WDR73: variants seen among roughly 807,000 people sequenced by gnomAD.
WDR73 encodes WD repeat domain 73.
In WDR73, 30 loss-of-function variants were observed where a neutral mutation model predicts 38.2. The observed-to-expected ratio is 0.79, with a 90% CI of 0.59 to 1.06. The LOEUF (loss-of-function observed/expected upper bound fraction) is 1.06. Among genes scored for constraint, WDR73 ranks in the 50% least tolerant of loss-of-function variants. The pLI is 0.00. For missense variants in WDR73, 487 were observed against 467.0 expected (o/e 1.04, Z -0.40); for synonymous variants, 197 against 176.0 (o/e 1.12, Z -0.94).
At position 84,648,552 on chromosome 15, in the gene WDR73, T is replaced by A. The variant is rs760874167; in HGVS notation, c.272A>T (p.His91Leu). Residue 91 changes from histidine to leucine, a missense_variant, in exon 4 of 8, where the codon CAT becomes CTT. His to Leu is a moderately conservative substitution (Grantham distance 99). Coordinates refer to ENST00000434634, the MANE Select transcript of WDR73 (RefSeq NM_032856.5). The part of the protein sequence containing the change: ...FSDRSIFDLK[H>L]VPHTRLLVTS... ...TTGACCATACCTGGTATGTGGCACA[T>A]GCTTTAGATCAAAGATAGACCTGTC... 10 of 1,613,598 alleles carry A rather than the reference T, an allele frequency of 6.2e-6. No homozygotes were observed. Among genetic ancestry groups the A allele is most frequent in the Non-Finnish European group, 8.5e-6 (10 of 1,179,642 alleles).
In WDR73 at chr15:84,648,592, G is replaced by A; in HGVS notation, c.232C>T (p.His78Tyr). ...ATAGACCTGTCTGAAAATCCTCCATGGCGCACTTTGAAATCTCTTTCTGGG... is the reference window on the plus strand; with the variant it reads ...ATAGACCTGTCTGAAAATCCTCCATAGCGCACTTTGAAATCTCTTTCTGGG... Reference protein sequence around the residue: ...LFPERDFKVRHGGFSDRSIFD... With the variant: ...LFPERDFKVRYGGFSDRSIFD... The change falls in exon 4 of 8, where the codon CAT becomes TAT. Residue 78 changes from histidine (H) to tyrosine (Y), a missense_variant. Physicochemically the swap from His to Tyr is moderately conservative, Grantham distance 83. Transcript: ENST00000434634. 6.2e-7 allele frequency: 1 copy of A among 1,613,918 alleles called. No homozygotes were observed. Among genetic ancestry groups the A allele is most frequent in the Non-Finnish European group, 8.5e-7 (1 of 1,179,824 alleles).
intron 4 of WDR73, 60 bp from the exon 5 acceptor site, chr15:84,648,014 C>G: frequency 6.7e-7 from 1 of 1,489,290 alleles, no homozygotes; most frequent in Non-Finnish European, 9.4e-7. Flanking sequence ...CAGGTCCCTT[C>G]CCCTTTCCAG....
rs1896421963 is a variant in WDR73, at chr15:84,645,565, G to A, written c.789C>T (p.Ser263=). 1.2e-6 allele frequency: 2 copies of A among 1,611,770 alleles called. No individual in the cohort carries two copies. Among genetic ancestry groups the A allele is most frequent in the South Asian group, 1.1e-5 (1 of 90,710 alleles). Residue 263 remains serine, a synonymous_variant, in exon 7 of 8, where the codon AGC becomes AGT. Transcript: ENST00000434634. ...GTACGGATACTGGGCACTGGACTGA[G>A]CTCACAGGATGGCAGAGATCCCGGG... ...LDPRDLCHPV[S]SVQCPVSVPS... is the part of the protein sequence containing the mutation.
rs797044992 is a variant in WDR73 at position 84,645,651 on chromosome 15, G to A, written c.703C>T (p.Gln235Ter). The A allele has an allele frequency of 8.7e-6, 14 of 1,608,296 alleles. No homozygotes were observed. Among genetic ancestry groups the A allele is most frequent in the Non-Finnish European group, 1.1e-5 (13 of 1,177,596 alleles). Residue 235 changes from glutamine to a stop codon, truncating the protein, a stop_gained, in exon 7 of 8, where the codon CAG (glutamine) becomes TAG (stop). Coordinates refer to ENST00000434634, the MANE Select transcript of WDR73 (RefSeq NM_032856.5). LOFTEE classifies it high-confidence loss of function. ...RWCAEVGSWG[Q>*]GPGPSIASLG... ...CTGGCAATGCTGGGCCCAGGGCCCT[G>A]GCCCCAGCTCCCAACTTCAGCACAC...
chr15:84,651,078 G>A (rs1030743445), intron 3 of WDR73, among the ~76,000 whole-genome samples: 9 of 151,124 alleles, frequency 6.0e-5, no homozygotes, highest in African/African-American at 2.2e-4. Context: ...TCGCGCCACT[G>A]CACTCCAGCC....
At position 84,646,332 on chromosome 15, in the gene WDR73, G is replaced by A. The variant is rs1366948745; in HGVS notation, c.369C>T (p.Val123=). Residue 123 remains valine, a synonymous_variant, in exon 6 of 8, where the codon GTC becomes GTT. Transcript: ENST00000434634. ...VAEDSDVIKA[V]STIAVHEKEE... is the part of the protein sequence containing the mutation. The stretch of plus-strand genomic sequence containing the variant: ...CTTTCTCATGCACAGCAATGGTGCT[G>A]ACAGCTTTAATGACATCTAGGGGAA... 1 of 1,613,014 alleles carries A rather than the reference G, an allele frequency of 6.2e-7. No homozygotes were observed. The highest frequency in any genetic ancestry group is 8.5e-7 in the Non-Finnish European group (1 of 1,179,196).
chr15:84,652,699 T>C lies in WDR73; in HGVS notation c.198+15A>G. On this transcript the variant is annotated intron_variant, in intron 3 of 7. Coordinates refer to ENST00000434634, the MANE Select transcript of WDR73 (RefSeq NM_032856.5). ...AATAAAAGTTGACATACTCAGCATTTATATTTTAAGTTACCTTGTTTTCCT... is the reference window on the plus strand; with the variant it reads ...AATAAAAGTTGACATACTCAGCATTCATATTTTAAGTTACCTTGTTTTCCT... The C allele has an allele frequency of 7.1e-7, 1 of 1,405,794 alleles. No homozygotes were observed. Among genetic ancestry groups the C allele is most frequent in the Non-Finnish European group, 9.6e-7 (1 of 1,038,454 alleles). The allele number at this position is 1,405,794 out of a possible 1,614,324, so 87.1% of individuals were successfully genotyped here. A position where few individuals can be genotyped will look rare whatever the true frequency, so the allele number is the denominator to read the frequency against.
chr15:84,643,330 G>A lies in WDR73; in HGVS notation c.*140C>T, dbSNP rs1896325434. The A allele has an allele frequency of 1.0e-6, 1 of 1,001,366 alleles. No individual in the cohort carries two copies. The highest frequency in any genetic ancestry group is 1.4e-6 in the Non-Finnish European group (1 of 695,770). 62.0% of individuals were successfully genotyped at this position (1,001,366 alleles called of 1,614,324 possible). On this transcript the variant is annotated 3_prime_UTR_variant, in exon 8 of 8. Transcript: ENST00000434634. ...CTCATTTTACAGATAAGGAAACTGA[G>A]GCTAAGTGACGCTGGCAGACTTGCC...
chr15:84,647,938 C>G lies in WDR73; in HGVS notation c.304G>C (p.Gly102Arg). The change falls in exon 5 of 8, where the codon GGC (glycine) becomes CGC (arginine). Residue 102 changes from glycine to arginine, a missense_variant. Coordinates refer to ENST00000434634, the MANE Select transcript of WDR73 (RefSeq NM_032856.5). ...VPHTRLLVTS[G>R]LPGCYLQVWQ... ...ACCTGCAGATAACAACCTGGAAGGC[C>G]ACTGGTAACCAGCAATCTATTCAGA... The G allele has an allele frequency of 6.2e-7, 1 of 1,614,052 alleles. No individual in the cohort carries two copies. Among genetic ancestry groups the G allele is most frequent in the Non-Finnish European group, 8.5e-7 (1 of 1,179,902 alleles).
intron 3 of WDR73, among the ~76,000 whole-genome samples, chr15:84,649,966 G>C (rs753958705): frequency 6.6e-6 from 1 of 152,130 alleles, no homozygotes; most frequent in Non-Finnish European, 1.5e-5. Context: ...AGTATGTTTG[G>C]GAAGTATGCT....
intron 6 of WDR73, 127 bp from the exon 7 acceptor site, chr15:84,645,963 C>T: frequency 1.3e-6 from 2 of 1,550,250 alleles, no homozygotes; most frequent in Non-Finnish European, 1.7e-6. Flanking sequence ...TCCCTTCCCA[C>T]TCATCTCACC....
At position 84,653,678 on chromosome 15, in the gene WDR73, G is replaced by A; in HGVS notation, c.63C>T (p.Phe21=). ...SLRLYQDFYA[F]DLSGATRVLE... ...GGACTCGAGTGGCTCCTGACAGGTCGAATGCATAGAAATCCTGGTACCTGC... is the reference window on the plus strand; with the variant it reads ...GGACTCGAGTGGCTCCTGACAGGTCAAATGCATAGAAATCCTGGTACCTGC... Residue 21 remains phenylalanine, a synonymous_variant, in exon 2 of 8, where the codon TTC becomes TTT. Transcript: ENST00000434634. The A allele has an allele frequency of 1.3e-6, 2 of 1,593,566 alleles. No individual in the cohort carries two copies. The highest frequency in any genetic ancestry group is 1.7e-6 in the Non-Finnish European group (2 of 1,169,672).
chr15:84,643,774 A>C (rs1896351142), intron 7 of WDR73, 51 bp from the exon 8 acceptor site: 1 of 1,508,460 alleles, frequency 6.6e-7, no homozygotes, highest in Non-Finnish European at 8.8e-7. Context: ...ATTTTATTTT[A>C]AAATAATTTT....
chr15:84,653,729 T>C (rs375110494), intron 1 of WDR73, 30 bp from the exon 2 acceptor site: 2 of 1,538,412 alleles, frequency 1.3e-6, no homozygotes, highest in Non-Finnish European at 1.8e-6. Flanking sequence ...AATCACACGA[T>C]GCACAGCACT....
chr15:84,650,349 G>A (rs933747216), intron 3 of WDR73, among the ~76,000 whole-genome samples: 3 of 111,986 alleles, frequency 2.7e-5, no homozygotes, highest in Admixed American at 9.3e-5. Context: ...CACCACACCC[G>A]GCTAATTTTC....
intron 1 of WDR73, 110 bp from the exon 2 acceptor site, chr15:84,653,809 G>A (rs1351093086): frequency 1.2e-6 from 1 of 829,944 alleles, no homozygotes; most frequent in South Asian, 1.5e-5. Flanking sequence ...TCAGGCAGAC[G>A]TGGGACTGAG....
In WDR73 at chr15:84,648,508, G is replaced by A. The variant is rs1252527452; in HGVS notation, c.287+29C>T. 2.6e-6 allele frequency: 4 copies of A among 1,560,946 alleles called. No individual in the cohort carries two copies. The Admixed American group carries it at 5.0e-5, about 20-fold the overall frequency. ...GCAGCCATCCCATCCCATCCTGTGT[G>A]GATGGCTGGATCACAAAATTGACCA... On this transcript the variant is annotated intron_variant, in intron 4 of 7. Transcript: ENST00000434634.
rs1896500450 is a variant in WDR73 at position 84,647,521 on chromosome 15, A to C, written c.352+369T>G. 4 of 187,200 alleles carry C rather than the reference A, an allele frequency of 2.1e-5. No individual in the cohort carries two copies. The Admixed American group carries it at 2.3e-4, about 11-fold the overall frequency. The allele number at this position is 187,200 out of a possible 1,614,324, so 11.6% of individuals were successfully genotyped here. Reference sequence around the variant, plus strand: ...CTACTACTTTTTTTTTTGGAGACGGAGTTTTGCTCTTGTTGCCCAGGCTGG... The same window carrying C: ...CTACTACTTTTTTTTTTGGAGACGGCGTTTTGCTCTTGTTGCCCAGGCTGG... On this transcript the variant is annotated intron_variant, in intron 5 of 7. Transcript: ENST00000434634.
intron 4 of WDR73, 116 bp downstream of exon 4, chr15:84,648,421 A>G (rs1400904645): frequency 5.3e-5 from 39 of 738,336 alleles, no homozygotes; most frequent in Non-Finnish European, 6.0e-5. Context: ...GTGCACTCAC[A>G]TGTGCCTGTG....
Sources: allele counts gnomAD v4.1 joint callset (sites outside exome capture counted in the v4.1 genomes callset), GRCh38; gene constraint gnomAD v4.1.1; transcripts MANE v1.5; gene names NCBI Gene and HGNC (gene_info 2026-07-23, HGNC 2026-07-21).